ARHGEF33: variants seen among roughly 807,000 people sequenced by gnomAD.
ARHGEF33 encodes DH and coiled-coil domain-containing protein ENSP00000381780.
A neutral mutation model predicts 101.9 loss-of-function variants in ARHGEF33; 72 were observed. The ratio of observed to expected loss-of-function variants is 0.71; its 90% confidence interval spans 0.58 to 0.86. The LOEUF is 0.86. ARHGEF33 is among the 40% of genes least tolerant of loss of function. The probability of loss-of-function intolerance (pLI) is 0.00; values close to 1 mark genes in which losing one functional copy is unlikely to be tolerated. For missense variants in ARHGEF33, 1,169 were observed against 1,111.3 expected, an observed-to-expected ratio of 1.05 and a Z score of -0.74; for synonymous variants, 499 against 442.5, an observed-to-expected ratio of 1.13 and a Z score of -1.60.
intron 4 of ARHGEF33, among the ~76,000 whole-genome samples, chr2:38,925,505 G>A (rs1558429985): frequency 1.3e-5 from 2 of 152,184 alleles, no homozygotes; most frequent in Non-Finnish European, 2.9e-5. Context: ...GTCAGTCTCA[G>A]TAAGGCCCTG....
In ARHGEF33 at chr2:38,960,491, G is replaced by C; in HGVS notation, c.2186G>C (p.Arg729Pro). 7.3e-7 allele frequency: 1 copy of C among 1,374,192 alleles called. No homozygotes were observed. Among genetic ancestry groups the C allele is most frequent in the Non-Finnish European group, 9.4e-7 (1 of 1,064,774 alleles). The allele number at this position is 1,374,192 out of a possible 1,614,324, so 85.1% of individuals were successfully genotyped here. A position where few individuals can be genotyped will look rare whatever the true frequency, so the allele number is the denominator to read the frequency against. The change falls in exon 16 of 18, where the codon CGC becomes CCC. Residue 729 changes from arginine (R) to proline (P), a missense_variant. By Grantham distance (103) the Arg-to-Pro change is moderately radical. Coordinates refer to ENST00000409978, the MANE Select transcript of ARHGEF33 (RefSeq NM_001145451.5). ...GTGGCCCCACGCCTCTACAGCACGC[G>C]CAGCAGCAGCGGCGGCCGCGCGCCC... The part of the protein sequence containing the change: ...DGVAPRLYST[R>P]SSSGGRAPIK...
At chr2:38,959,806 G>A (rs1170916169) in intron 15 of ARHGEF33, 35 bp from the exon 16 acceptor site, 1 of 1,501,986 alleles carries the variant, frequency 6.7e-7, no homozygotes, top group East Asian at 2.5e-5. Context: ...CCGGCCGTAA[G>A]CACAGCTCTT....
chr2:38,957,488 A>G (rs1427867116), intron 14 of ARHGEF33, among the ~76,000 whole-genome samples: 1 of 152,262 alleles, frequency 6.6e-6, no homozygotes, highest in Non-Finnish European at 1.5e-5. Flanking sequence ...TGCCACATGG[A>G]GTTTCCTTTT....
chr2:38,908,804 A>G (rs1432446651), intron 2 of ARHGEF33, among the ~76,000 whole-genome samples: 1 of 152,210 alleles, frequency 6.6e-6, no homozygotes, highest in Non-Finnish European at 1.5e-5. Context: ...TTTTCAAGCC[A>G]GGGAGTGGGA....
chr2:38,928,391 A>T (rs1666920209), intron 4 of ARHGEF33, among the ~76,000 whole-genome samples: 1 of 151,866 alleles, frequency 6.6e-6, no homozygotes, highest in Admixed American at 6.6e-5. Flanking sequence ...ATCCAAGAGT[A>T]TTTTTTTTAA....
intron 10 of ARHGEF33, 137 bp from the exon 11 acceptor site, chr2:38,950,852 T>G: frequency 1.2e-6 from 1 of 803,016 alleles, no homozygotes; most frequent in East Asian, 2.8e-5. Flanking sequence ...TGAAAAACTT[T>G]AAAAAATCCT....
At chr2:38,962,165 T>C (rs953972723) in intron 16 of ARHGEF33, among the ~76,000 whole-genome samples, 3 of 152,178 alleles carry the variant, frequency 2.0e-5, no homozygotes, top group Non-Finnish European at 4.4e-5. Flanking sequence ...AAAATTTGAT[T>C]AGGCAGAATT....
chr2:38,911,748 C>T (rs540968242), intron 2 of ARHGEF33, among the ~76,000 whole-genome samples: 21 of 152,268 alleles, frequency 1.4e-4, no homozygotes, highest in South Asian at 4.1e-4. Context: ...CTGTGGCTCA[C>T]GCCTGTAATT....
chr2:38,912,352 A>G (rs1666527829), intron 2 of ARHGEF33, among the ~76,000 whole-genome samples: 1 of 152,208 alleles, frequency 6.6e-6, no homozygotes, highest in Admixed American at 6.5e-5. Flanking sequence ...CCCAGTACAA[A>G]ATGAAGAGCA....
At position 38,919,396 on chromosome 2, in the gene ARHGEF33, G is replaced by A. The variant is rs973620151; in HGVS notation, c.-52G>A. ...AAGAGGAGGTGGCCTGAGCCAGGAC[G>A]ATGAGGATGCAATGTTGAAGAATAA... On this transcript the variant is annotated 5_prime_UTR_variant, in exon 3 of 18. Transcript: ENST00000409978. The A allele has an allele frequency of 1.7e-5, 26 of 1,548,266 alleles. No individual in the cohort carries two copies. Among genetic ancestry groups the A allele is most frequent in the African/African-American group, 9.6e-5 (7 of 73,070 alleles).
In ARHGEF33 at chr2:38,942,164, C is replaced by CTT. The variant is rs35282727; in HGVS notation, c.791-1718_791-1717dup. ...TTTTTCTTCAATACATCTCTCCTTT[C>CTT]TTTTTTTTTTTTTTTTTTTTGAGAC... On this transcript the variant is annotated intron_variant, in intron 9 of 17. Coordinates refer to ENST00000409978, the MANE Select transcript of ARHGEF33 (RefSeq NM_001145451.5). Among the ~76,000 whole-genome samples the CTT allele has an allele frequency of 1.0e-3, 107 of 107,314 alleles. 1 individual carries two copies. The highest frequency in any genetic ancestry group is 1.2e-3 in the Non-Finnish European group (69 of 55,254). 70.4% of individuals were successfully genotyped at this position (107,314 alleles called of 152,430 possible).
At chr2:38,945,887 G>A (rs925852904) in intron 10 of ARHGEF33, among the ~76,000 whole-genome samples, 1 of 152,206 alleles carries the variant, frequency 6.6e-6, no homozygotes, top group African/African-American at 2.4e-5. Flanking sequence ...GCCCAGAGAA[G>A]CTTAAAGCCG....
intron 10 of ARHGEF33, among the ~76,000 whole-genome samples, chr2:38,949,329 A>G (rs1305779375): frequency 6.6e-6 from 1 of 152,218 alleles, no homozygotes; most frequent in Non-Finnish European, 1.5e-5. Context: ...GAAAGCATAA[A>G]GGAACCTACC....
chr2:38,895,159 A>G (rs1164791914), intron 1 of ARHGEF33, among the ~76,000 whole-genome samples: 1 of 152,200 alleles, frequency 6.6e-6, no homozygotes, highest in Non-Finnish European at 1.5e-5. Flanking sequence ...AAGTATTACT[A>G]TTACTAAGCC....
intron 17 of ARHGEF33, among the ~76,000 whole-genome samples, chr2:38,971,628 G>A (rs1039153579): frequency 6.6e-6 from 1 of 152,168 alleles, no homozygotes; most frequent in Non-Finnish European, 1.5e-5. Flanking sequence ...TTATAAAGAG[G>A]TCAGTTAAAA....
intron 17 of ARHGEF33, 149 bp downstream of exon 17, chr2:38,966,294 G>A (rs1474656407): frequency 9.2e-6 from 10 of 1,083,960 alleles, no homozygotes; most frequent in Non-Finnish European, 1.2e-5. Flanking sequence ...GTTCCGGCGG[G>A]GTGAAGATGT....
chr2:38,961,130 C>T (rs1164458017), intron 16 of ARHGEF33, among the ~76,000 whole-genome samples: 3 of 152,242 alleles, frequency 2.0e-5, no homozygotes, highest in Non-Finnish European at 4.4e-5. Flanking sequence ...GCCTACTCCA[C>T]TTCTTCCCGG....
chr2:38,936,489 A>G lies in ARHGEF33; in HGVS notation c.565+655A>G, dbSNP rs78744226. 6.4e-3 allele frequency among the ~76,000 whole-genome samples: 979 copies of G among 152,324 alleles called. 22 individuals are homozygous for G. Among genetic ancestry groups the G allele is most frequent in the East Asian group, 0.064 (333 of 5,184 alleles). On this transcript the variant is annotated intron_variant, in intron 8 of 17. Coordinates refer to ENST00000409978, the MANE Select transcript of ARHGEF33 (RefSeq NM_001145451.5). Reference sequence around the variant, plus strand: ...CAGATATAAGGAGTCAATACATACTATAAATTAGCTATACTATTTGATAAA... The same window carrying G: ...CAGATATAAGGAGTCAATACATACTGTAAATTAGCTATACTATTTGATAAA...
chr2:38,967,448 T>C (rs1668072834), intron 17 of ARHGEF33, among the ~76,000 whole-genome samples: 1 of 152,244 alleles, frequency 6.6e-6, no homozygotes, highest in Admixed American at 6.5e-5. Context: ...TTTGAAGAGT[T>C]GAGAATTGTA....
Sources: gnomAD v4.1 joint callset for allele counts (sites outside exome capture counted in the v4.1 genomes callset) on GRCh38, gnomAD v4.1.1 for gene constraint, MANE v1.5 for transcripts, NCBI Gene and HGNC (gene_info 2026-07-23, HGNC 2026-07-21) for gene names.